Variants in MARCHF1 observed in about 807,000 individuals in gnomAD.
MARCHF1 encodes E3 ubiquitin-protein ligase MARCHF1.
Under a neutral mutation model 54.2 loss-of-function variants are expected in MARCHF1, and 40 were observed. That is an observed-to-expected ratio of 0.74 (90% confidence interval 0.57 to 0.96). The LOEUF (loss-of-function observed/expected upper bound fraction) is 0.96, where lower values mean the gene tolerates loss of function less well. Ranked by LOEUF, MARCHF1 falls within the 40% of genes least tolerant of loss-of-function variation. The pLI is 0.00. For synonymous variants in MARCHF1, 236 were observed against 236.3 expected (o/e 1.00, Z 0.01); for missense variants, 586 against 656.5 (o/e 0.89, Z 1.17).
At chr4:163,676,064 C>G (rs559530430) in intron 5 of MARCHF1, among the ~76,000 whole-genome samples, 5 of 151,092 alleles carry the variant, frequency 3.3e-5, no homozygotes, top group Admixed American at 3.3e-4. Flanking sequence ...GAAGATTGGC[C>G]GGGTGTGGTG....
At chr4:163,719,839 G>A (rs1267588574) in intron 4 of MARCHF1, among the ~76,000 whole-genome samples, 5 of 152,176 alleles carry the variant, frequency 3.3e-5, no homozygotes, top group African/African-American at 1.2e-4. Context: ...CTTTTGAGAA[G>A]TGTCTGTTCA....
At chr4:164,152,603 G>C (rs1302329358) in intron 1 of MARCHF1, among the ~76,000 whole-genome samples, 1 of 152,098 alleles carries the variant, frequency 6.6e-6, no homozygotes, top group Non-Finnish European at 1.5e-5. Flanking sequence ...ATATTCTATA[G>C]AGAATCCCCT....
intron 1 of MARCHF1, among the ~76,000 whole-genome samples, chr4:164,208,906 T>C (rs746693869): frequency 9.9e-5 from 15 of 152,050 alleles, no homozygotes; most frequent in Non-Finnish European, 2.1e-4. Flanking sequence ...GCTGAGATCA[T>C]ACTACTCTAG....
At chr4:164,120,184 C>G (rs955867508) in intron 1 of MARCHF1, among the ~76,000 whole-genome samples, 1 of 151,870 alleles carries the variant, frequency 6.6e-6, no homozygotes, top group Non-Finnish European at 1.5e-5. Context: ...GAGCAGGAGT[C>G]GCTACACTTA....
At chr4:164,153,805 T>C (rs545083485) in intron 1 of MARCHF1, among the ~76,000 whole-genome samples, 1 of 152,266 alleles carries the variant, frequency 6.6e-6, no homozygotes, top group South Asian at 2.1e-4. Context: ...AAATATGCTA[T>C]TAACAAAAGT....
In MARCHF1 at chr4:163,689,154, A is replaced by T. The variant is rs139602669; in HGVS notation, c.162+11659T>A. Reference sequence around the variant, plus strand: ...AATACCACAGTTACAACAATTAGAGATGTTTCTTTAATTCTCTGGGGACCA... The same window carrying T: ...AATACCACAGTTACAACAATTAGAGTTGTTTCTTTAATTCTCTGGGGACCA... On this transcript the variant is annotated intron_variant, in intron 5 of 9. Coordinates refer to ENST00000514618, the MANE Select transcript of MARCHF1 (RefSeq NM_001394959.1). Among the ~76,000 whole-genome samples, 3 of 152,250 alleles carry T rather than the reference A, an allele frequency of 2.0e-5. No individual in the cohort carries two copies. In the East Asian group the frequency reaches 5.8e-4, roughly 29 times the overall value.
intron 4 of MARCHF1, among the ~76,000 whole-genome samples, chr4:163,851,547 C>T (rs1279423209): frequency 6.6e-6 from 1 of 152,114 alleles, no homozygotes; most frequent in Non-Finnish European, 1.5e-5. Flanking sequence ...CGGATTTGTG[C>T]TGAAATTAGT....
At chr4:164,288,426 AG>A (rs1217322461) in intron 1 of MARCHF1, among the ~76,000 whole-genome samples, 1 of 152,218 alleles carries the variant, frequency 6.6e-6, no homozygotes, top group East Asian at 1.9e-4. Context: ...TGAATTGCAA[AG>A]ATTTATCTAA....
intron 3 of MARCHF1, among the ~76,000 whole-genome samples, chr4:163,872,919 C>T (rs563753640): frequency 6.6e-6 from 1 of 152,054 alleles, no homozygotes. Flanking sequence ...TGGCGGGCGC[C>T]TGTAGTCCCA....
rs974831606 is a variant in MARCHF1 at position 164,030,108 on chromosome 4, C to A, written c.-247-41399G>T. Among the ~76,000 whole-genome samples, 253 of 152,062 alleles carry A rather than the reference C, an allele frequency of 1.7e-3. 1 individual carries two copies. Among genetic ancestry groups the A allele is most frequent in the African/African-American group, 5.6e-3 (233 of 41,512 alleles). On this transcript the variant is annotated intron_variant, in intron 2 of 9. Transcript: ENST00000514618. Reference sequence around the variant, plus strand: ...TAATACATATCTGTTAATGTTTCTTCTATTTATAAATATTTCTCAATACTT... The same window carrying A: ...TAATACATATCTGTTAATGTTTCTTATATTTATAAATATTTCTCAATACTT...
intron 5 of MARCHF1, among the ~76,000 whole-genome samples, chr4:163,679,047 G>A (rs1233055277): frequency 2.0e-5 from 3 of 152,372 alleles, no homozygotes; most frequent in Middle Eastern, 3.4e-3. Flanking sequence ...CAAGAGGGAT[G>A]AAGCATCCAG....
intron 1 of MARCHF1, among the ~76,000 whole-genome samples, chr4:164,235,555 G>T (rs1010343203): frequency 1.3e-5 from 2 of 152,138 alleles, no homozygotes; most frequent in Middle Eastern, 3.4e-3. Flanking sequence ...TAGTGAAGAG[G>T]CCGGTTATAT....
chr4:163,864,951 C>T (rs1750017572), intron 3 of MARCHF1, among the ~76,000 whole-genome samples: 1 of 151,780 alleles, frequency 6.6e-6, no homozygotes, highest in Non-Finnish European at 1.5e-5. Flanking sequence ...GGAAGAAAAA[C>T]ATATATCACT....
intron 3 of MARCHF1, among the ~76,000 whole-genome samples, chr4:163,952,131 A>T (rs1011830784): frequency 3.9e-5 from 6 of 152,202 alleles, no homozygotes; most frequent in Admixed American, 2.6e-4. Context: ...CATGAGAAAC[A>T]TATATTTGAG....
At chr4:163,977,158 A>G (rs1006600913) in intron 3 of MARCHF1, among the ~76,000 whole-genome samples, 3 of 151,444 alleles carry the variant, frequency 2.0e-5, no homozygotes, top group South Asian at 2.1e-4. Flanking sequence ...TAAAATATAT[A>G]ATAATTGTTA....
intron 4 of MARCHF1, among the ~76,000 whole-genome samples, chr4:163,780,173 C>G (rs1747423748): frequency 6.6e-6 from 1 of 152,200 alleles, no homozygotes; most frequent in African/African-American, 2.4e-5. Flanking sequence ...AGGGAAATCT[C>G]AGAATTCCAA....
chr4:163,840,731 G>A (rs1049257814), intron 4 of MARCHF1, among the ~76,000 whole-genome samples: 8 of 151,992 alleles, frequency 5.3e-5, no homozygotes, highest in Non-Finnish European at 1.0e-4. Flanking sequence ...ATGTTGCAAT[G>A]TATACTTGAA....
chr4:164,328,330 T>C (rs2110791770), intron 1 of MARCHF1, among the ~76,000 whole-genome samples: 1 of 152,244 alleles, frequency 6.6e-6, no homozygotes. Flanking sequence ...ATTTATACAG[T>C]TCTACAACTG....
intron 1 of MARCHF1, among the ~76,000 whole-genome samples, chr4:164,205,948 C>G (rs952608005): frequency 2.6e-5 from 4 of 152,058 alleles, no homozygotes; most frequent in Non-Finnish European, 4.4e-5. Context: ...TAACAATGAC[C>G]ATTAATAATA....
Sources: allele counts gnomAD v4.1 joint callset (sites outside exome capture counted in the v4.1 genomes callset), GRCh38; gene constraint gnomAD v4.1.1; transcripts MANE v1.5; gene names NCBI Gene and HGNC (gene_info 2026-07-23, HGNC 2026-07-21).